PPP2R5C: variants seen among roughly 807,000 people sequenced by gnomAD.
PPP2R5C encodes serine/threonine-protein phosphatase 2A 56 kDa regulatory subunit gamma isoform.
A neutral mutation model predicts 68.9 loss-of-function variants in PPP2R5C; 7 were observed. That is an observed-to-expected ratio of 0.10 (90% CI 0.06 to 0.19). PPP2R5C has a LOEUF of 0.19. Among genes scored for constraint, PPP2R5C ranks in the 10% least tolerant of loss-of-function variants. PPP2R5C has a pLI of 1.00. For missense variants in PPP2R5C, 348 were observed against 641.3 expected (o/e 0.54, Z 4.94); for synonymous variants, 210 against 222.2 (o/e 0.95, Z 0.49).
intron 1 of PPP2R5C, among the ~76,000 whole-genome samples, chr14:101,821,435 T>TG (rs1352026071): frequency 2.7e-5 from 1 of 37,036 alleles, no homozygotes; most frequent in African/African-American, 7.5e-5. Flanking sequence ...TTTCTCCCTG[T>TG]GGGGGGTGGG....
At chr14:101,909,028 T>A (rs2046238477) in intron 10 of PPP2R5C, among the ~76,000 whole-genome samples, 1 of 152,150 alleles carries the variant, frequency 6.6e-6, no homozygotes, top group South Asian at 2.1e-4. Flanking sequence ...AGGGCTGCAG[T>A]CCCATGGCAG....
chr14:101,791,088 A>G (rs1018554188), intron 3 of PPP2R5C, among the ~76,000 whole-genome samples: 2 of 152,240 alleles, frequency 1.3e-5, no homozygotes, highest in Non-Finnish European at 2.9e-5. Context: ...TCAAAAAAAG[A>G]AAAAAGAAAA....
chr14:101,921,619 T>C (rs563911452), intron 13 of PPP2R5C, among the ~76,000 whole-genome samples: 8 of 152,324 alleles, frequency 5.3e-5, no homozygotes, highest in African/African-American at 1.9e-4. Context: ...ATTAAGCTTT[T>C]TTGGTTTTTA....
intron 3 of PPP2R5C, chr14:101,789,815 T>A (rs1488534585): frequency 2.0e-5 from 3 of 151,888 alleles, no homozygotes; most frequent in African/African-American, 7.3e-5. Context: ...AAATGTGGAA[T>A]GTGTCCATGA....
At chr14:101,900,423 G>T (rs2045611444) in intron 8 of PPP2R5C, among the ~76,000 whole-genome samples, 1 of 152,230 alleles carries the variant, frequency 6.6e-6, no homozygotes, top group Non-Finnish European at 1.5e-5. Flanking sequence ...GGTCCCGGGG[G>T]CCAGCACTTG....
At chr14:101,881,126 C>T (rs370388652) in intron 2 of PPP2R5C, among the ~76,000 whole-genome samples, 2 of 152,198 alleles carry the variant, frequency 1.3e-5, no homozygotes, top group South Asian at 2.1e-4. Context: ...TGGTGACTCA[C>T]GCCTGTAATC....
intron 1 of PPP2R5C, among the ~76,000 whole-genome samples, chr14:101,830,930 G>T (rs2040695479): frequency 6.6e-6 from 1 of 152,172 alleles, no homozygotes. Context: ...GTAAGTTACC[G>T]TCACGGCAGC....
At chr14:101,883,939 T>C (rs2044316603) in intron 5 of PPP2R5C, among the ~76,000 whole-genome samples, 1 of 152,138 alleles carries the variant, frequency 6.6e-6, no homozygotes, top group Admixed American at 6.5e-5. Flanking sequence ...ATAGGATAGA[T>C]GAATATATGA....
At chr14:101,851,414 TAGTG>T (rs1335175572) in intron 1 of PPP2R5C, among the ~76,000 whole-genome samples, 2 of 152,104 alleles carry the variant, frequency 1.3e-5, no homozygotes, top group Admixed American at 6.5e-5. Context: ...CTGGGCAACA[TAGTG>T]AGACCCTGTC....
chr14:101,896,551 T>G (rs1261135038), intron 8 of PPP2R5C, among the ~76,000 whole-genome samples: 2 of 147,458 alleles, frequency 1.4e-5, no homozygotes, highest in Non-Finnish European at 3.0e-5. Context: ...CTGGGCAATA[T>G]GGCAAAATCC....
intron 3 of PPP2R5C, among the ~76,000 whole-genome samples, chr14:101,787,033 C>T (rs1232695385): frequency 6.6e-6 from 1 of 152,192 alleles, no homozygotes; most frequent in Non-Finnish European, 1.5e-5. Flanking sequence ...AGAAGGATCA[C>T]TTGAGCCCAG....
chr14:101,906,352 C>T lies in PPP2R5C; in HGVS notation c.1024-50C>T. 1 of 1,531,602 alleles carries T rather than the reference C, an allele frequency of 6.5e-7. No individual in the cohort carries two copies. The highest frequency in any genetic ancestry group is 8.8e-7 in the Non-Finnish European group (1 of 1,142,036). The allele number at this position is 1,531,602 out of a possible 1,614,324, so 94.9% of individuals were successfully genotyped here. On this transcript the variant is annotated intron_variant, in intron 9 of 13. Coordinates refer to ENST00000334743, the Ensembl canonical transcript of PPP2R5C. The surrounding 1 kb of genome is among the most constrained non-coding windows in gnomAD (Gnocchi z 4.0). ...CAGGTTTAACAGCAAGGACAGCCAC[C>T]TGATGTCTCAGGCACAACCTCCAGC... is the stretch of plus-strand genomic sequence containing the variant.
At chr14:101,884,249 C>G in intron 5 of PPP2R5C, among the ~76,000 whole-genome samples, 1 of 152,268 alleles carries the variant, frequency 6.6e-6, no homozygotes, top group South Asian at 2.1e-4. Context: ...TAATTCTGGC[C>G]GCACCGGCAG....
At chr14:101,905,878 G>T (rs8021069) in intron 9 of PPP2R5C, among the ~76,000 whole-genome samples, 2 of 151,892 alleles carry the variant, frequency 1.3e-5, no homozygotes, top group East Asian at 1.9e-4. Flanking sequence ...CCACCCCACC[G>T]CACACGCACC....
At chr14:101,802,588 A>T (rs2038912467) in intron 3 of PPP2R5C, among the ~76,000 whole-genome samples, 1 of 152,180 alleles carries the variant, frequency 6.6e-6, no homozygotes, top group Admixed American at 6.5e-5. Flanking sequence ...TGGCTATGAT[A>T]CCAAAAGCTC....
chr14:101,881,854 A>T (rs527384107), intron 2 of PPP2R5C, among the ~76,000 whole-genome samples: 32 of 152,268 alleles, frequency 2.1e-4, no homozygotes, highest in Admixed American at 2.1e-3. Context: ...ATAGTATAAG[A>T]CCTCAGAAGT....
intron 1 of PPP2R5C, 81 bp downstream of exon 1, chr14:101,762,001 C>T (rs1310230518): frequency 8.8e-7 from 1 of 1,140,010 alleles, no homozygotes; most frequent in Non-Finnish European, 1.1e-6. Flanking sequence ...GGGTCCTGCG[C>T]CCGGGCCCCG....
intron 1 of PPP2R5C, among the ~76,000 whole-genome samples, chr14:101,826,411 T>C (rs2040401495): frequency 6.6e-6 from 1 of 152,212 alleles, no homozygotes; most frequent in Non-Finnish European, 1.5e-5. Context: ...ATTTCCCTCA[T>C]TGAATGGATT....
At chr14:101,926,131 A>G (rs74693721) in exon 14 of PPP2R5C, 4 of 152,404 alleles carry the variant, frequency 2.6e-5, no homozygotes, top group East Asian at 1.9e-4. Flanking sequence ...TAATAAAATT[A>G]TAGTCTCTAA....
Sources: gnomAD v4.1 joint callset for allele counts (sites outside exome capture counted in the v4.1 genomes callset) on GRCh38, gnomAD v4.1.1 for gene constraint, Gnocchi (gnomAD v3.1) non-coding constraint, MANE v1.5 for transcripts, NCBI Gene and HGNC (gene_info 2026-07-23, HGNC 2026-07-21) for gene names.